The following CTNNA3 variants were observed in gnomAD, a reference collection of about 807,000 sequenced individuals.
The protein encoded by CTNNA3 is catenin alpha 3, also known as catenin alpha-3.
In CTNNA3, 76 loss-of-function variants were observed where a neutral mutation model predicts 95.7. The ratio of observed to expected loss-of-function variants is 0.79; its 90% CI spans 0.66 to 0.96. The LOEUF is 0.96. CTNNA3 is among the 40% of genes least tolerant of loss of function. The pLI, the probability that CTNNA3 is intolerant of heterozygous loss-of-function variation, is 0.00. For synonymous variants in CTNNA3, 431 were observed against 374.4 expected (o/e 1.15, Z -1.74); for missense variants, 1,191 against 1,089.8 (o/e 1.09, Z -1.31).
At chr10:67,694,155 TA>T (rs1840919394) in intron 1 of CTNNA3, among the ~76,000 whole-genome samples, 1 of 152,188 alleles carries the variant, frequency 6.6e-6, no homozygotes, top group African/African-American at 2.4e-5. Flanking sequence ...ATGTGCAAAG[TA>T]ACGTAAGTGA....
intron 10 of CTNNA3, among the ~76,000 whole-genome samples, chr10:66,548,092 T>G (rs929497566): frequency 6.6e-6 from 1 of 152,018 alleles, no homozygotes; most frequent in African/African-American, 2.4e-5. Context: ...CCATTTTGTA[T>G]TTTTAGTAGA....
At chr10:66,087,372 G>C (rs752445122) in intron 14 of CTNNA3, among the ~76,000 whole-genome samples, 2 of 151,954 alleles carry the variant, frequency 1.3e-5, no homozygotes, top group Admixed American at 1.3e-4. Flanking sequence ...TCCTCTTATC[G>C]CGAGACAACA....
chr10:67,496,139 A>G (rs973003669), intron 5 of CTNNA3, among the ~76,000 whole-genome samples: 14 of 152,204 alleles, frequency 9.2e-5, no homozygotes, highest in African/African-American at 3.4e-4. Context: ...CCTTCTTTCC[A>G]TAAATTGACT....
chr10:67,340,658 T>C (rs571488434), intron 5 of CTNNA3, among the ~76,000 whole-genome samples: 9 of 152,236 alleles, frequency 5.9e-5, no homozygotes, highest in Admixed American at 6.5e-5. Flanking sequence ...CTTTTAACTA[T>C]GGCACAACCG....
chr10:67,277,195 A>G (rs1280416732), intron 5 of CTNNA3, among the ~76,000 whole-genome samples: 3 of 152,180 alleles, frequency 2.0e-5, no homozygotes, highest in South Asian at 2.1e-4. Flanking sequence ...ATAATCCTAC[A>G]TAAGATGACT....
chr10:66,840,731 T>A (rs957711297), intron 7 of CTNNA3, among the ~76,000 whole-genome samples: 3 of 152,080 alleles, frequency 2.0e-5, no homozygotes, highest in Non-Finnish European at 4.4e-5. Context: ...GCTGTTCTCT[T>A]TTTTAAAACT....
chr10:66,331,193 G>GT (rs2132319151), intron 12 of CTNNA3, among the ~76,000 whole-genome samples: 1 of 151,890 alleles, frequency 6.6e-6, no homozygotes, highest in East Asian at 1.9e-4. Flanking sequence ...GGTTTTTATG[G>GT]TTTTAGGTCT....
chr10:65,977,140 A>T (rs1405960291), intron 16 of CTNNA3, among the ~76,000 whole-genome samples: 2 of 152,152 alleles, frequency 1.3e-5, no homozygotes, highest in African/African-American at 4.8e-5. Context: ...AATAACTTTT[A>T]AAAGAATACT....
intron 11 of CTNNA3, among the ~76,000 whole-genome samples, chr10:66,416,773 C>A (rs1028905796): frequency 6.6e-6 from 1 of 151,972 alleles, no homozygotes; most frequent in Non-Finnish European, 1.5e-5. Flanking sequence ...TAAGATAATT[C>A]ATCACCACTA....
chr10:66,981,382 C>G (rs1850432745), intron 7 of CTNNA3, among the ~76,000 whole-genome samples: 1 of 152,232 alleles, frequency 6.6e-6, no homozygotes, highest in South Asian at 2.1e-4. Context: ...GCATAAGTCA[C>G]CCTGCATTCT....
intron 5 of CTNNA3, among the ~76,000 whole-genome samples, chr10:67,400,131 T>C (rs1399493658): frequency 6.7e-6 from 1 of 149,644 alleles, no homozygotes; most frequent in Non-Finnish European, 1.5e-5. Context: ...CCATGTGTTC[T>C]CATTGTTCAA....
At chr10:66,032,233 A>T (rs2133460163) in intron 15 of CTNNA3, among the ~76,000 whole-genome samples, 1 of 152,276 alleles carries the variant, frequency 6.6e-6, no homozygotes. Context: ...TGAAAAGTAA[A>T]TGGCTTAGAG....
chr10:66,378,029 G>A lies in CTNNA3; in HGVS notation c.1732+1123C>T, dbSNP rs1344102997. ...AAATTACATACCAAGATTCATCAAT[G>A]ATTTTGTTTATCAACTTGCTAGAAA... On this transcript the variant is annotated intron_variant, in intron 12 of 17. Coordinates refer to ENST00000433211, the MANE Select transcript of CTNNA3 (RefSeq NM_013266.4). Among the ~76,000 whole-genome samples, 3 of 150,208 alleles carry A rather than the reference G, an allele frequency of 2.0e-5. No homozygotes were observed. In the East Asian group the frequency reaches 6.2e-4, roughly 31 times the overall value.
chr10:67,352,667 G>C (rs182313490), intron 5 of CTNNA3, among the ~76,000 whole-genome samples: 214 of 151,970 alleles, frequency 1.4e-3, no homozygotes, highest in Non-Finnish European at 2.5e-3. Context: ...CCAATTCACT[G>C]TTACTACGAA....
rs192460554 is a variant in CTNNA3, at chr10:66,410,931, A to G, written c.1532-31579T>C. 3.1e-3 allele frequency among the ~76,000 whole-genome samples: 472 copies of G among 152,318 alleles called. 2 individuals carry two copies. The highest frequency in any genetic ancestry group is 0.011 in the African/African-American group (454 of 41,580). On this transcript the variant is annotated intron_variant, in intron 11 of 17. Coordinates refer to ENST00000433211, the MANE Select transcript of CTNNA3 (RefSeq NM_013266.4). ...CTCTTAAAGGCAATTGAGCCCTCTC[A>G]ATATATAGAAGAGTATAGAGATCTA...
chr10:66,117,845 C>A (rs2082403507), intron 13 of CTNNA3, among the ~76,000 whole-genome samples: 1 of 152,124 alleles, frequency 6.6e-6, no homozygotes, highest in Non-Finnish European at 1.5e-5. Flanking sequence ...TACTATGGAG[C>A]TATCCTAAGT....
chr10:66,476,650 C>T (rs968197233), intron 11 of CTNNA3, among the ~76,000 whole-genome samples: 3 of 151,852 alleles, frequency 2.0e-5, no homozygotes, highest in African/African-American at 7.3e-5. Context: ...TAACATACTG[C>T]AGAAAAATAT....
At chr10:67,370,172 G>C (rs1843367801) in intron 5 of CTNNA3, among the ~76,000 whole-genome samples, 1 of 151,956 alleles carries the variant, frequency 6.6e-6, no homozygotes, top group Admixed American at 6.6e-5. Context: ...CTATATAATT[G>C]AATACTATAA....
At chr10:67,371,460 A>G (rs1340398593) in intron 5 of CTNNA3, among the ~76,000 whole-genome samples, 7 of 147,752 alleles carry the variant, frequency 4.7e-5, no homozygotes, top group South Asian at 4.3e-4. Context: ...ATTCCCACCA[A>G]TGAGTGAGAA....
Sources: allele counts gnomAD v4.1 joint callset (sites outside exome capture counted in the v4.1 genomes callset), GRCh38; gene constraint gnomAD v4.1.1; transcripts MANE v1.5; gene names NCBI Gene and HGNC (gene_info 2026-07-23, HGNC 2026-07-21).